The following FAM83B variants were observed in gnomAD, a reference collection of about 807,000 sequenced individuals.
The protein encoded by FAM83B is scaffolding CK1 anchoring protein B.
FAM83B carries 26 observed loss-of-function variants against 38.8 expected under a neutral mutation model. The observed-to-expected ratio is 0.67, with a 90% CI of 0.49 to 0.93. The LOEUF (loss-of-function observed/expected upper bound fraction) is 0.93. Among genes scored for constraint, FAM83B ranks in the 40% least tolerant of loss-of-function variants. The pLI is 0.00. For missense variants in FAM83B, 1,237 were observed against 1,197.3 expected (o/e 1.03, Z -0.49); for synonymous variants, 419 against 423.1 (o/e 0.99, Z 0.12).
At position 54,941,671 on chromosome 6, in the gene FAM83B, G is replaced by A; in HGVS notation, c.2700G>A (p.Arg900=). The part of the protein sequence containing the change: ...NTEQIQYRDS[R]EINAVVTPER... ...AACAGATCCAATACCGAGATTCAAG[G>A]GAGATTAATGCAGTTGTTACCCCTG... is the stretch of plus-strand genomic sequence containing the variant. Residue 900 remains arginine (R), a synonymous_variant, in exon 5 of 5, where the codon AGG becomes AGA. Coordinates refer to ENST00000306858, the MANE Select transcript of FAM83B (RefSeq NM_001010872.3). 1 of 1,614,040 alleles carries A rather than the reference G, an allele frequency of 6.2e-7. No homozygotes were observed. The highest frequency in any genetic ancestry group is 2.2e-5 in the East Asian group (1 of 44,874).
intron 2 of FAM83B, among the ~76,000 whole-genome samples, chr6:54,883,763 GGTTTT>G (rs1163718902): frequency 6.9e-6 from 1 of 144,186 alleles, no homozygotes; most frequent in East Asian, 2.0e-4. Flanking sequence ...CTCTGATAAT[GGTTTT>G]TTTTTTTGGA....
rs1773614234 is a variant in FAM83B, at chr6:54,939,778, T to C, written c.807T>C (p.Phe269=). 6.2e-7 allele frequency: 1 copy of C among 1,613,920 alleles called. No individual in the cohort carries two copies. The highest frequency in any genetic ancestry group is 8.5e-7 in the Non-Finnish European group (1 of 1,179,900). The change falls in exon 5 of 5, where the codon TTT becomes TTC. Residue 269 remains phenylalanine, a synonymous_variant. Transcript: ENST00000306858. ...TTACAGGACAACTTGTTGAGTCCTTTGATGAAGAATTTAGAACTCTCTATG... is the reference window on the plus strand; with the variant it reads ...TTACAGGACAACTTGTTGAGTCCTTCGATGAAGAATTTAGAACTCTCTATG... The part of the protein sequence containing the change: ...QIITGQLVES[F]DEEFRTLYAR...
intron 1 of FAM83B, among the ~76,000 whole-genome samples, chr6:54,861,545 AAAAC>A (rs1235302905): frequency 6.6e-6 from 1 of 152,356 alleles, no homozygotes; most frequent in East Asian, 1.9e-4. Flanking sequence ...CCCCACCTCC[AAAAC>A]AAACAAACAA....
chr6:54,883,936 G>A (rs566505423), intron 2 of FAM83B, among the ~76,000 whole-genome samples: 77 of 152,024 alleles, frequency 5.1e-4, no homozygotes, highest in Admixed American at 1.1e-3. Context: ...TTGGGAGGCC[G>A]AGGCGGGCAG....
At chr6:54,911,413 G>A (rs866041257) in intron 2 of FAM83B, among the ~76,000 whole-genome samples, 1 of 152,010 alleles carries the variant, frequency 6.6e-6, no homozygotes, top group South Asian at 2.1e-4. Context: ...AGGAAGTGGG[G>A]TTAGGAGCCT....
At position 54,941,701 on chromosome 6, in the gene FAM83B, A is replaced by G. The variant is rs764275919; in HGVS notation, c.2730A>G (p.Arg910=). 5.0e-6 allele frequency: 8 copies of G among 1,614,004 alleles called. No homozygotes were observed. The highest frequency in any genetic ancestry group is 6.8e-6 in the Non-Finnish European group (8 of 1,180,022). ...TTAATGCAGTTGTTACCCCTGAAAG[A>G]AGACCTACTTCTTCTCCAAGGCCAA... ...REINAVVTPE[R]RPTSSPRPTS... Residue 910 remains arginine (R), a synonymous_variant, in exon 5 of 5, where the codon AGA becomes AGG. Transcript: ENST00000306858.
intron 4 of FAM83B, among the ~76,000 whole-genome samples, chr6:54,938,138 G>T (rs974879691): frequency 6.6e-6 from 1 of 152,026 alleles, no homozygotes; most frequent in African/African-American, 2.4e-5. Context: ...TTCCATTCCT[G>T]AGTTACTTCA....
chr6:54,875,282 T>C (rs1673246388), intron 2 of FAM83B, among the ~76,000 whole-genome samples: 1 of 152,190 alleles, frequency 6.6e-6, no homozygotes. Context: ...CGTGATATGT[T>C]ACTTTCATCC....
intron 2 of FAM83B, among the ~76,000 whole-genome samples, chr6:54,925,051 A>T (rs1030736336): frequency 6.6e-6 from 1 of 152,118 alleles, no homozygotes; most frequent in Admixed American, 6.5e-5. Context: ...TCCCATTCTC[A>T]TTTCATTCCT....
rs1443829587 is a variant in FAM83B at position 54,915,526 on chromosome 6, G to GTATTGTTTTAATCATGTGATTCTTTGA, written c.445-10845_445-10844insTATTGTTTTAATCATGTGATTCTTTGA. Among the ~76,000 whole-genome samples, 64 of 91,408 alleles carry GTATTGTTTTAATCATGTGATTCTTTGA rather than the reference G, an allele frequency of 7.0e-4. 4 individuals carry two copies. The highest frequency in any genetic ancestry group is 7.1e-3 in the Middle Eastern group (1 of 140). 60.0% of individuals were successfully genotyped at this position (91,408 alleles called of 152,430 possible). A position where few individuals can be genotyped will look rare whatever the true frequency, so the allele number is the denominator to read the frequency against. ...CTACTGGTAGAAACTCACATTTCTG[G>GTATTGTTTTAATCATGTGATTCTTTGA]CCGGGCGCGGTGGCTCACGCCTGTA... On this transcript the variant is annotated intron_variant, in intron 2 of 4. Transcript: ENST00000306858.
intron 2 of FAM83B, among the ~76,000 whole-genome samples, chr6:54,897,699 T>G (rs1772571164): frequency 6.6e-6 from 1 of 152,180 alleles, no homozygotes; most frequent in Admixed American, 6.6e-5. Flanking sequence ...AAAAAGAAAT[T>G]TAAACAACAT....
chr6:54,860,910 C>T (rs1387850890), intron 1 of FAM83B, among the ~76,000 whole-genome samples: 4 of 152,160 alleles, frequency 2.6e-5, no homozygotes, highest in Non-Finnish European at 5.9e-5. Flanking sequence ...CACAGACCTC[C>T]CTGAGCGCTG....
chr6:54,851,405 C>A (rs972123440), intron 1 of FAM83B, among the ~76,000 whole-genome samples: 4 of 151,828 alleles, frequency 2.6e-5, no homozygotes, highest in South Asian at 2.1e-4. Context: ...TTTCATACTT[C>A]TATTTATTTG....
intron 2 of FAM83B, among the ~76,000 whole-genome samples, chr6:54,890,132 G>A (rs1399224059): frequency 6.6e-6 from 1 of 151,830 alleles, no homozygotes; most frequent in African/African-American, 2.4e-5. Context: ...AGAACACATA[G>A]GTTTGGAAAA....
chr6:54,893,534 A>T (rs1772451785), intron 2 of FAM83B, among the ~76,000 whole-genome samples: 1 of 152,160 alleles, frequency 6.6e-6, no homozygotes, highest in Non-Finnish European at 1.5e-5. Flanking sequence ...AATGTTTATC[A>T]TCACCAGGTG....
chr6:54,940,588 G>T lies in FAM83B; in HGVS notation c.1617G>T (p.Arg539=). 1 of 1,613,990 alleles carries T rather than the reference G, an allele frequency of 6.2e-7. No individual in the cohort carries two copies. The highest frequency in any genetic ancestry group is 8.5e-7 in the Non-Finnish European group (1 of 1,179,998). Residue 539 remains arginine (R), a synonymous_variant, in exon 5 of 5, where the codon CGG becomes CGT. Transcript: ENST00000306858. The part of the protein sequence containing the change: ...LKANALYTHS[R]LRSSLVFKPT... ...CCAATGCCCTTTATACTCATTCTCGGCTTCGTTCCTCTTTAGTATTTAAAC... is the reference window on the plus strand; with the variant it reads ...CCAATGCCCTTTATACTCATTCTCGTCTTCGTTCCTCTTTAGTATTTAAAC...
At chr6:54,866,226 C>T (rs1445579854) in intron 1 of FAM83B, among the ~76,000 whole-genome samples, 2 of 151,008 alleles carry the variant, frequency 1.3e-5, no homozygotes, top group East Asian at 1.9e-4. Flanking sequence ...ATCTAAGTCT[C>T]ATGACATTGC....
At chr6:54,867,460 A>G (rs1771737777) in intron 1 of FAM83B, among the ~76,000 whole-genome samples, 2 of 152,062 alleles carry the variant, frequency 1.3e-5, no homozygotes, top group African/African-American at 4.8e-5. Flanking sequence ...AGAACAATAT[A>G]AAGTATATTT....
intron 1 of FAM83B, among the ~76,000 whole-genome samples, chr6:54,854,941 G>A (rs1277524495): frequency 1.3e-5 from 2 of 152,030 alleles, no homozygotes; most frequent in African/African-American, 2.4e-5. Context: ...AATGGAACAC[G>A]TGTGCAATGG....
Sources: gnomAD v4.1 joint callset for allele counts (sites outside exome capture counted in the v4.1 genomes callset) on GRCh38, gnomAD v4.1.1 for gene constraint, MANE v1.5 for transcripts, NCBI Gene and HGNC (gene_info 2026-07-23, HGNC 2026-07-21) for gene names.